Variants in FCHSD2 observed in about 807,000 individuals in gnomAD.
FCHSD2 encodes FCH and double SH3 domains 2, also known as F-BAR and double SH3 domains protein 2.
A neutral mutation model predicts 108.1 loss-of-function variants in FCHSD2; 38 were observed. The ratio of observed to expected loss-of-function variants is 0.35; its 90% CI spans 0.27 to 0.46. The LOEUF is 0.46. Among genes scored for constraint, FCHSD2 ranks in the 20% least tolerant of loss-of-function variants. The pLI is 1.00. For synonymous variants in FCHSD2, 279 were observed against 314.7 expected, an observed-to-expected ratio of 0.89 and a Z score of 1.20; for missense variants, 751 against 897.8, an observed-to-expected ratio of 0.84 and a Z score of 2.09.
chr11:72,851,765 C>T (rs961129123), intron 13 of FCHSD2, among the ~76,000 whole-genome samples: 1 of 150,390 alleles, frequency 6.6e-6, no homozygotes, highest in African/African-American at 2.4e-5. Flanking sequence ...AAATAGAAAA[C>T]AAAACAAGAA....
chr11:73,117,356 C>G (rs567473434), intron 2 of FCHSD2, among the ~76,000 whole-genome samples: 1 of 152,190 alleles, frequency 6.6e-6, no homozygotes, highest in African/African-American at 2.4e-5. Context: ...CTCTTAAATA[C>G]TACATAATAA....
At chr11:73,056,866 G>T (rs780343607) in intron 3 of FCHSD2, among the ~76,000 whole-genome samples, 1 of 152,004 alleles carries the variant, frequency 6.6e-6, no homozygotes, top group African/African-American at 2.4e-5. Flanking sequence ...GTGGATCACA[G>T]GGTCAGGAGA....
intron 4 of FCHSD2, among the ~76,000 whole-genome samples, chr11:73,005,147 A>G (rs1011214249): frequency 2.0e-5 from 3 of 152,184 alleles, no homozygotes; most frequent in South Asian, 2.1e-4. Flanking sequence ...ACATGCTATA[A>G]TATCTCCATT....
chr11:72,949,448 T>C (rs546340346), intron 8 of FCHSD2, among the ~76,000 whole-genome samples: 17 of 146,756 alleles, frequency 1.2e-4, no homozygotes, highest in African/African-American at 4.0e-4. Flanking sequence ...CAAAACTCCA[T>C]CTCAAAGAAA....
intron 2 of FCHSD2, among the ~76,000 whole-genome samples, chr11:73,089,555 T>C (rs1408226932): frequency 2.0e-5 from 3 of 152,212 alleles, no homozygotes; most frequent in African/African-American, 7.2e-5. Context: ...CTGATGAATG[T>C]ATAAACAAGA....
chr11:72,939,016 A>G (rs1320532047), intron 8 of FCHSD2, among the ~76,000 whole-genome samples: 2 of 152,174 alleles, frequency 1.3e-5, no homozygotes, highest in Non-Finnish European at 2.9e-5. Flanking sequence ...GTAATGCAGG[A>G]TATTTTCAAA....
chr11:72,977,026 G>A (rs1398823780), intron 8 of FCHSD2, among the ~76,000 whole-genome samples: 1 of 151,770 alleles, frequency 6.6e-6, no homozygotes, highest in East Asian at 1.9e-4. Context: ...CCCGGTTCAA[G>A]CGATTCTCCT....
At chr11:72,958,485 T>C (rs1276447449) in intron 8 of FCHSD2, among the ~76,000 whole-genome samples, 1 of 152,098 alleles carries the variant, frequency 6.6e-6, no homozygotes, top group African/African-American at 2.4e-5. Flanking sequence ...ACCACTGCAC[T>C]CCAGCTGGGC....
chr11:73,093,301 C>T (rs1859999429), intron 2 of FCHSD2, among the ~76,000 whole-genome samples: 1 of 152,196 alleles, frequency 6.6e-6, no homozygotes, highest in African/African-American at 2.4e-5. Context: ...AAATCATAAC[C>T]TTACTGAGTA....
At chr11:73,109,095 G>A (rs1192579304) in intron 2 of FCHSD2, among the ~76,000 whole-genome samples, 2 of 152,208 alleles carry the variant, frequency 1.3e-5, no homozygotes, top group South Asian at 2.1e-4. Flanking sequence ...TGACCTGTGT[G>A]TCTGTTTTTA....
rs1024769191 is a variant in FCHSD2 at position 72,940,973 on chromosome 11, G to C, written c.706-19023C>G. On this transcript the variant is annotated intron_variant, in intron 8 of 19. Coordinates refer to ENST00000409418, the MANE Select transcript of FCHSD2 (RefSeq NM_014824.3). ...ATCACCAAAGCAGTCTATAAGCACAGGGAGATGTGTGGGCTGACATCTACA... is the reference window on the plus strand; with the variant it reads ...ATCACCAAAGCAGTCTATAAGCACACGGAGATGTGTGGGCTGACATCTACA... 13 of 754,404 alleles carry C rather than the reference G, an allele frequency of 1.7e-5. No individual in the cohort carries two copies. The African/African-American group carries it at 2.2e-4, about 13-fold the overall frequency. 46.7% of individuals were successfully genotyped at this position (754,404 alleles called of 1,614,324 possible).
chr11:73,059,662 G>A (rs906242830), intron 3 of FCHSD2, among the ~76,000 whole-genome samples: 17 of 152,084 alleles, frequency 1.1e-4, no homozygotes, highest in Non-Finnish European at 8.8e-5. Context: ...ACCAAATGAA[G>A]TCCTGAGAAA....
chr11:72,964,882 C>T (rs533115476), intron 8 of FCHSD2, among the ~76,000 whole-genome samples: 23 of 151,654 alleles, frequency 1.5e-4, no homozygotes, highest in South Asian at 2.1e-4. Context: ...TTCTGCCTCC[C>T]GGGTTCACGC....
At chr11:72,875,342 T>G (rs964193146) in intron 12 of FCHSD2, among the ~76,000 whole-genome samples, 2 of 152,334 alleles carry the variant, frequency 1.3e-5, no homozygotes, top group Admixed American at 1.3e-4. Context: ...GGGTCAATAT[T>G]ATAAACTCTA....
At chr11:72,882,955 A>G (rs1474818268) in intron 12 of FCHSD2, among the ~76,000 whole-genome samples, 1 of 152,236 alleles carries the variant, frequency 6.6e-6, no homozygotes, top group African/African-American at 2.4e-5. Flanking sequence ...TGATACTGGC[A>G]TAAGTACAGA....
intron 8 of FCHSD2, chr11:72,940,666 C>A (rs1856397773): frequency 2.4e-6 from 3 of 1,247,128 alleles, no homozygotes; most frequent in Non-Finnish European, 3.5e-6. Flanking sequence ...CAAGGCCAAG[C>A]AAGGTTACAT....
intron 13 of FCHSD2, among the ~76,000 whole-genome samples, chr11:72,867,322 G>A (rs1040416821): frequency 1.3e-5 from 2 of 152,108 alleles, no homozygotes; most frequent in Non-Finnish European, 2.9e-5. Context: ...AAAAGCCCTG[G>A]ACTTGAAGTA....
At chr11:73,133,428 T>C (rs1383830331) in intron 2 of FCHSD2, among the ~76,000 whole-genome samples, 1 of 152,164 alleles carries the variant, frequency 6.6e-6, no homozygotes, top group Non-Finnish European at 1.5e-5. Context: ...GGGGTATTAT[T>C]TGGCAATAAA....
intron 3 of FCHSD2, among the ~76,000 whole-genome samples, chr11:73,045,599 T>C (rs1301658553): frequency 1.3e-5 from 2 of 150,564 alleles, no homozygotes; most frequent in South Asian, 4.2e-4. Context: ...TAAAAAATGA[T>C]GAGTTCATGT....
Sources: allele counts gnomAD v4.1 joint callset (sites outside exome capture counted in the v4.1 genomes callset), GRCh38; gene constraint gnomAD v4.1.1; transcripts MANE v1.5; gene names NCBI Gene and HGNC (gene_info 2026-07-23, HGNC 2026-07-21).